Variants in HS3ST4 observed in about 807,000 individuals in gnomAD.
HS3ST4 encodes heparan sulfate-glucosamine 3-sulfotransferase 4.
In HS3ST4, 17 loss-of-function variants were observed where a neutral mutation model predicts 29.2. The ratio of observed to expected loss-of-function variants is 0.58; its 90% CI spans 0.40 to 0.87. The LOEUF is 0.87. Ranked by LOEUF, HS3ST4 falls within the 40% of genes least tolerant of loss-of-function variation. The probability of loss-of-function intolerance (pLI) is 0.00; values close to 1 mark genes in which losing one functional copy is unlikely to be tolerated. For synonymous variants in HS3ST4, 314 were observed against 285.7 expected (o/e 1.10, Z -1.00); for missense variants, 627 against 634.5 (o/e 0.99, Z 0.13).
chr16:26,105,677 G>A (rs1038330560), intron 1 of HS3ST4, among the ~76,000 whole-genome samples: 18 of 152,170 alleles, frequency 1.2e-4, no homozygotes, highest in African/African-American at 2.7e-4. Flanking sequence ...TTCCAGTCAC[G>A]CTAACCTCTC....
At chr16:26,096,524 G>A (rs1898928086) in intron 1 of HS3ST4, among the ~76,000 whole-genome samples, 1 of 152,040 alleles carries the variant, frequency 6.6e-6, no homozygotes, top group Non-Finnish European at 1.5e-5. Context: ...TGCAGAAAAG[G>A]CCTTCAACAC....
intron 1 of HS3ST4, among the ~76,000 whole-genome samples, chr16:25,806,077 G>A (rs1335135948): frequency 6.6e-6 from 1 of 152,096 alleles, no homozygotes; most frequent in East Asian, 1.9e-4. Flanking sequence ...TGGTGTATGT[G>A]TACCATGTTT....
intron 1 of HS3ST4, among the ~76,000 whole-genome samples, chr16:25,928,676 T>C (rs1466216153): frequency 1.3e-5 from 2 of 152,206 alleles, no homozygotes; most frequent in Non-Finnish European, 2.9e-5. Context: ...AATTGCCGTA[T>C]GTTTTGAAAG....
At chr16:26,124,131 G>A (rs964207881) in intron 1 of HS3ST4, among the ~76,000 whole-genome samples, 3 of 151,996 alleles carry the variant, frequency 2.0e-5, no homozygotes, top group Non-Finnish European at 4.4e-5. Flanking sequence ...TGTGAGTCAG[G>A]TTGGTCTTGA....
intron 1 of HS3ST4, among the ~76,000 whole-genome samples, chr16:26,073,861 T>A (rs2141778605): frequency 6.6e-6 from 1 of 152,306 alleles, no homozygotes; most frequent in South Asian, 2.1e-4. Flanking sequence ...GCTTCTAGCT[T>A]CTGAGTATCT....
chr16:25,992,467 T>C (rs1205066630), intron 1 of HS3ST4, among the ~76,000 whole-genome samples: 1 of 152,242 alleles, frequency 6.6e-6, no homozygotes, highest in Admixed American at 6.5e-5. Flanking sequence ...CCAAGGATGT[T>C]GTGTCTAAGA....
intron 1 of HS3ST4, among the ~76,000 whole-genome samples, chr16:26,119,860 C>T (rs138543664): frequency 6.1e-4 from 93 of 152,142 alleles, no homozygotes; most frequent in East Asian, 2.5e-3. Context: ...GTGGACTCTA[C>T]GCAAGGCAAT....
intron 1 of HS3ST4, among the ~76,000 whole-genome samples, chr16:26,006,266 T>G (rs887694599): frequency 8.8e-6 from 1 of 113,322 alleles, no homozygotes; most frequent in Non-Finnish European, 1.6e-5. Flanking sequence ...ACCATTGCAC[T>G]CCAGCCTAGG....
chr16:25,952,327 G>C (rs1489965533), intron 1 of HS3ST4, among the ~76,000 whole-genome samples: 1 of 152,198 alleles, frequency 6.6e-6, no homozygotes, highest in African/African-American at 2.4e-5. Flanking sequence ...TGACTGTTCA[G>C]TTGGCTTCCT....
At chr16:25,970,998 G>T (rs1341064113) in intron 1 of HS3ST4, among the ~76,000 whole-genome samples, 1 of 151,618 alleles carries the variant, frequency 6.6e-6, no homozygotes, top group East Asian at 1.9e-4. Flanking sequence ...TTACAGGTGT[G>T]TGTCACCATG....
chr16:25,897,723 G>A (rs1338438425), intron 1 of HS3ST4, among the ~76,000 whole-genome samples: 3 of 152,156 alleles, frequency 2.0e-5, no homozygotes, highest in South Asian at 2.1e-4. Flanking sequence ...TCGTTCTGCC[G>A]TTCTGCCTGG....
intron 1 of HS3ST4, among the ~76,000 whole-genome samples, chr16:26,029,715 T>C (rs1346441804): frequency 1.3e-5 from 2 of 152,206 alleles, no homozygotes; most frequent in African/African-American, 2.4e-5. Context: ...CTGGCAATTA[T>C]GTAGTTCTTT....
At chr16:25,871,947 G>A (rs1242037254) in intron 1 of HS3ST4, among the ~76,000 whole-genome samples, 2 of 130,824 alleles carry the variant, frequency 1.5e-5, no homozygotes, top group East Asian at 5.6e-4. Context: ...TCTTTGAGGG[G>A]CTCAAAGTGT....
At chr16:26,038,222 G>T (rs899358002) in intron 1 of HS3ST4, among the ~76,000 whole-genome samples, 1 of 152,048 alleles carries the variant, frequency 6.6e-6, no homozygotes, top group Non-Finnish European at 1.5e-5. Flanking sequence ...TGCCCCTGTG[G>T]TGAGTTCTCA....
intron 1 of HS3ST4, among the ~76,000 whole-genome samples, chr16:26,105,798 T>A (rs542424064): frequency 6.6e-6 from 1 of 152,380 alleles, no homozygotes; most frequent in Non-Finnish European, 1.5e-5. Context: ...CCTGTTCAGA[T>A]GTTACCTCTA....
At chr16:25,846,212 A>T (rs1967464869) in intron 1 of HS3ST4, among the ~76,000 whole-genome samples, 1 of 152,174 alleles carries the variant, frequency 6.6e-6, no homozygotes, top group South Asian at 2.1e-4. Context: ...GCTGCAAGGA[A>T]GTTTATGCCT....
chr16:26,081,071 G>A (rs1412046108), intron 1 of HS3ST4, among the ~76,000 whole-genome samples: 3 of 152,100 alleles, frequency 2.0e-5, no homozygotes, highest in African/African-American at 7.2e-5. Flanking sequence ...CAGATCACTT[G>A]AGCTCAGGAG....
At chr16:26,054,163 AAGGGTATCTCCTC>A (rs1898378476) in intron 1 of HS3ST4, among the ~76,000 whole-genome samples, 2 of 152,038 alleles carry the variant, frequency 1.3e-5, no homozygotes, top group African/African-American at 2.4e-5. Flanking sequence ...AATATTTGTG[AAGGGTATCTCCTC>A]AGGGTATAAA....
intron 1 of HS3ST4, among the ~76,000 whole-genome samples, chr16:26,093,717 C>T (rs973268918): frequency 6.6e-6 from 1 of 152,298 alleles, no homozygotes; most frequent in African/African-American, 2.4e-5. Flanking sequence ...TCCAAAGGAT[C>T]GCAGCTCCTT....
Sources: gnomAD v4.1 joint callset for allele counts (sites outside exome capture counted in the v4.1 genomes callset) on GRCh38, gnomAD v4.1.1 for gene constraint, MANE v1.5 for transcripts, NCBI Gene and HGNC (gene_info 2026-07-23, HGNC 2026-07-21) for gene names.